The following FOXP1 variants were observed in gnomAD, a reference collection of about 807,000 sequenced individuals.
FOXP1 encodes the protein forkhead box P1.
FOXP1 carries 15 observed loss-of-function variants against 98.2 expected under a neutral mutation model. The ratio of observed to expected loss-of-function variants is 0.15; its 90% CI spans 0.10 to 0.24. The LOEUF is 0.24. Among genes scored for constraint, FOXP1 ranks in the 10% least tolerant of loss-of-function variants. The probability of loss-of-function intolerance (pLI) is 1.00; values close to 1 mark genes in which losing one functional copy is unlikely to be tolerated. For missense variants in FOXP1, 633 were observed against 848.5 expected, an observed-to-expected ratio of 0.75 and a Z score of 3.15; for synonymous variants, 371 against 314.5, an observed-to-expected ratio of 1.18 and a Z score of -1.90.
intron 3 of FOXP1, among the ~76,000 whole-genome samples, chr3:71,465,799 G>A (rs1489094293): frequency 6.6e-6 from 1 of 152,196 alleles, no homozygotes; most frequent in Non-Finnish European, 1.5e-5. Flanking sequence ...TGAGCAGAGG[G>A]CAAGCAAGCA....
At chr3:71,483,880 AAGAAC>A (rs1374386256) in intron 3 of FOXP1, among the ~76,000 whole-genome samples, 6 of 152,158 alleles carry the variant, frequency 3.9e-5, no homozygotes, top group African/African-American at 1.4e-4. Flanking sequence ...AATTTGAAAA[AAGAAC>A]AGAAGGAACC....
rs774196318 is a variant in FOXP1, at chr3:71,348,550, CGT to C, written c.-73+10598_-73+10599del. 7.9e-3 allele frequency among the ~76,000 whole-genome samples: 806 copies of C among 102,418 alleles called. 10 individuals are homozygous for C. The highest frequency in any genetic ancestry group is 0.026 in the African/African-American group (605 of 23,456). 67.2% of individuals were successfully genotyped at this position (102,418 alleles called of 152,430 possible). On this transcript the variant is annotated intron_variant, in intron 4 of 20. Coordinates refer to ENST00000649528, the MANE Select transcript of FOXP1 (RefSeq NM_001349338.3). Reference sequence around the variant, plus strand: ...GTGTGTGTGTGTGTGTGTGTGTGTGCGTGCGCGCGCGCACGCATATGCATGTG... The same window carrying C: ...GTGTGTGTGTGTGTGTGTGTGTGTGCGCGCGCGCGCACGCATATGCATGTG...
chr3:70,989,268 T>C (rs1171335374), intron 13 of FOXP1, among the ~76,000 whole-genome samples: 1 of 151,738 alleles, frequency 6.6e-6, no homozygotes, highest in East Asian at 1.9e-4. Context: ...TTATCCCTAC[T>C]GGATGACTCA....
intron 6 of FOXP1, among the ~76,000 whole-genome samples, chr3:71,137,188 TGG>T (rs1277494895): frequency 6.6e-6 from 1 of 152,222 alleles, no homozygotes; most frequent in Non-Finnish European, 1.5e-5. Flanking sequence ...GCTACCTGAC[TGG>T]ATAAACCTTC....
intron 3 of FOXP1, among the ~76,000 whole-genome samples, chr3:71,384,937 C>T (rs112710087): frequency 4.6e-5 from 7 of 152,066 alleles, no homozygotes; most frequent in Admixed American, 6.6e-5. Flanking sequence ...GAAAAAGAAA[C>T]GGGCACTCTC....
rs75860564 is a variant in FOXP1 at position 71,043,543 on chromosome 3, C to G, written c.665-2011G>C. On this transcript the variant is annotated intron_variant, in intron 10 of 20. Coordinates refer to ENST00000649528, the MANE Select transcript of FOXP1 (RefSeq NM_001349338.3). Reference sequence around the variant, plus strand: ...TGGGTGACCCTCAGACCACTGTTTACTCAATGGAAACAATAGTTAATAGGC... The same window carrying G: ...TGGGTGACCCTCAGACCACTGTTTAGTCAATGGAAACAATAGTTAATAGGC... Among the ~76,000 whole-genome samples the G allele has an allele frequency of 4.5e-3, 684 of 152,254 alleles. 8 individuals carry two copies. The highest frequency in any genetic ancestry group is 0.015 in the African/African-American group (637 of 41,540).
In FOXP1 at chr3:71,085,735, C is replaced by CCTTTTTTTTTTTTTTT. The variant is rs2054983655; in HGVS notation, c.282+26800_282+26801insAAAAAAAAAAAAAAAG. On this transcript the variant is annotated intron_variant, in intron 7 of 20. Coordinates refer to ENST00000649528, the MANE Select transcript of FOXP1 (RefSeq NM_001349338.3). ...TTGTATGGTGGGTATCATTTATGGC[C>CCTTTTTTTTTTTTTTT]TTTTTTTTTTTTTTACATGGAGTCT... Among the ~76,000 whole-genome samples the CCTTTTTTTTTTTTTTT allele has an allele frequency of 1.1e-4, 4 of 37,040 alleles. 1 individual carries two copies. Among genetic ancestry groups the CCTTTTTTTTTTTTTTT allele is most frequent in the African/African-American group, 3.0e-4 (3 of 10,122 alleles). The allele number at this position is 37,040 out of a possible 152,430, so 24.3% of individuals were successfully genotyped here.
intron 7 of FOXP1, among the ~76,000 whole-genome samples, chr3:71,075,625 C>A (rs768973813): frequency 5.3e-5 from 8 of 152,186 alleles, no homozygotes; most frequent in Non-Finnish European, 1.2e-4. Flanking sequence ...TGGTGTGCTA[C>A]ATACCCCAGC....
rs149146359 is a variant in FOXP1 at position 71,364,825 on chromosome 3, A to G, written c.-167-5581T>C. Among the ~76,000 whole-genome samples the G allele has an allele frequency of 2.1e-4, 32 of 152,372 alleles. No homozygotes were observed. The East Asian group carries it at 6.0e-3, about 28-fold the overall frequency. On this transcript the variant is annotated intron_variant, in intron 3 of 20. Transcript: ENST00000649528. ...CATTTCAAACAAAATAAATGTTGAGATCATATTAACTGTTAACTAATTAAT... is the reference window on the plus strand; with the variant it reads ...CATTTCAAACAAAATAAATGTTGAGGTCATATTAACTGTTAACTAATTAAT...
chr3:71,449,505 G>T (rs1453715122), intron 3 of FOXP1, among the ~76,000 whole-genome samples: 1 of 152,138 alleles, frequency 6.6e-6, no homozygotes, highest in African/African-American at 2.4e-5. Context: ...TTTCATGGCT[G>T]GGAGCAGCCC....
chr3:71,169,783 CA>C (rs34872916), intron 6 of FOXP1, among the ~76,000 whole-genome samples: 7,464 of 82,694 alleles, frequency 0.09, 281 homozygotes, highest in African/African-American at 0.17. Context: ...AAATTACTGG[CA>C]AAAAAAAAAA....
intron 6 of FOXP1, among the ~76,000 whole-genome samples, chr3:71,156,964 C>T (rs762907107): frequency 6.6e-6 from 1 of 152,118 alleles, no homozygotes; most frequent in South Asian, 2.1e-4. Context: ...GTCCTGACCA[C>T]GAGGTGACTA....
chr3:71,502,221 C>T (rs916215068), intron 2 of FOXP1, among the ~76,000 whole-genome samples: 2 of 152,220 alleles, frequency 1.3e-5, no homozygotes, highest in Non-Finnish European at 2.9e-5. Flanking sequence ...TAACTGAGCA[C>T]AGCTAGCACA....
At chr3:71,436,142 A>T (rs577062357) in intron 3 of FOXP1, among the ~76,000 whole-genome samples, 1 of 151,992 alleles carries the variant, frequency 6.6e-6, no homozygotes, top group African/African-American at 2.4e-5. Context: ...TTCCTATTAC[A>T]TATTTCCCAA....
intron 6 of FOXP1, among the ~76,000 whole-genome samples, chr3:71,135,255 C>CAAAAAAA (rs11285510): frequency 3.9e-5 from 3 of 76,342 alleles, no homozygotes; most frequent in African/African-American, 1.0e-4. Flanking sequence ...GCCTCCGTCT[C>CAAAAAAA]AAAAAAAAAA....
At chr3:71,352,778 A>C (rs1327144900) in intron 4 of FOXP1, among the ~76,000 whole-genome samples, 1 of 152,182 alleles carries the variant, frequency 6.6e-6, no homozygotes, top group Non-Finnish European at 1.5e-5. Flanking sequence ...GAGATTTTTT[A>C]GGGTTAGATT....
intron 3 of FOXP1, among the ~76,000 whole-genome samples, chr3:71,460,240 T>A (rs1056448615): frequency 2.6e-5 from 4 of 151,618 alleles, no homozygotes; most frequent in African/African-American, 9.7e-5. Context: ...TTTGTTTGTT[T>A]GTTTGTTTGT....
At chr3:71,000,839 T>TAAAATAA (rs2042038286) in intron 13 of FOXP1, 133 bp downstream of exon 13, 2 of 371,272 alleles carry the variant, frequency 5.4e-6, no homozygotes, top group Non-Finnish European at 9.7e-6. Flanking sequence ...TAAAATAAAA[T>TAAAATAA]AAAATAAAGG....
chr3:71,281,228 A>G (rs2071525837), intron 5 of FOXP1, among the ~76,000 whole-genome samples: 1 of 119,446 alleles, frequency 8.4e-6, no homozygotes, highest in Non-Finnish European at 1.8e-5. Context: ...ACCCCATCTC[A>G]AGATAAAAAT....
Sources: allele counts gnomAD v4.1 joint callset (sites outside exome capture counted in the v4.1 genomes callset), GRCh38; gene constraint gnomAD v4.1.1; transcripts MANE v1.5; gene names NCBI Gene and HGNC (gene_info 2026-07-23, HGNC 2026-07-21).